CFAP161: variants seen among roughly 807,000 people sequenced by gnomAD.
CFAP161 encodes the protein cilia and flagella associated protein 161, also known as cilia- and flagella-associated protein 161.
Under a neutral mutation model 29.0 loss-of-function variants are expected in CFAP161, and 25 were observed. That is an observed-to-expected ratio of 0.86 (90% confidence interval 0.63 to 1.20). The LOEUF is 1.20. Among genes scored for constraint, CFAP161 ranks in the 50% most tolerant of loss-of-function variants. CFAP161 has a pLI of 0.00. For synonymous variants in CFAP161, 116 were observed against 137.4 expected (o/e 0.84, Z 1.09); for missense variants, 367 against 371.9 (o/e 0.99, Z 0.11).
chr15:81,147,177 T>TA, intron 5 of CFAP161, among the ~76,000 whole-genome samples: 1 of 152,038 alleles, frequency 6.6e-6, no homozygotes, highest in Non-Finnish European at 1.5e-5. Context: ...CTCTCACATG[T>TA]AAAATGTGTA....
chr15:81,104,980 G>A (rs185238910), intron 1 of CFAP161, among the ~76,000 whole-genome samples: 13 of 152,158 alleles, frequency 8.5e-5, no homozygotes, highest in African/African-American at 2.4e-4. Context: ...GGTTCCTTCC[G>A]GTGACTCTGA....
At chr15:81,142,338 C>A (rs532075559) in intron 4 of CFAP161, among the ~76,000 whole-genome samples, 1 of 151,978 alleles carries the variant, frequency 6.6e-6, no homozygotes, top group Non-Finnish European at 1.5e-5. Context: ...TGATCTTTTA[C>A]AAGCACAGGT....
At chr15:81,130,698 TCAAAAA>T (rs758005225), upstream of CFAP161, among the ~76,000 whole-genome samples, 2 of 152,150 alleles carry the variant, frequency 1.3e-5, no homozygotes, top group African/African-American at 2.4e-5. Context: ...AGACTCCATC[TCAAAAA>T]CAAAAACAAA....
At chr15:81,136,492 A>G (rs1390015136) in intron 2 of CFAP161, 24 bp from the exon 3 acceptor site, 1 of 1,599,562 alleles carries the variant, frequency 6.3e-7, no homozygotes, top group Non-Finnish European at 8.6e-7. Flanking sequence ...TGGTTTATGT[A>G]ATAAACTACT....
intron 1 of CFAP161, among the ~76,000 whole-genome samples, chr15:81,120,238 C>T (rs1347023944): frequency 6.6e-6 from 1 of 152,176 alleles, no homozygotes; most frequent in African/African-American, 2.4e-5. Flanking sequence ...TGGATTATGA[C>T]TGTATGCTAT....
At chr15:81,107,924 T>G (rs1039228172) in intron 1 of CFAP161, among the ~76,000 whole-genome samples, 1 of 135,472 alleles carries the variant, frequency 7.4e-6, no homozygotes, top group Non-Finnish European at 1.5e-5. Flanking sequence ...CTTATCACAT[T>G]TTTTTTTTTT....
intron 1 of CFAP161, among the ~76,000 whole-genome samples, chr15:81,111,571 C>G (rs578186314): frequency 6.6e-6 from 1 of 152,218 alleles, no homozygotes; most frequent in East Asian, 1.9e-4. Context: ...TGTCAATTTC[C>G]TCTTCTGAAA....
intron 1 of CFAP161, among the ~76,000 whole-genome samples, chr15:81,112,725 G>C (rs1894453418): frequency 6.6e-6 from 1 of 152,122 alleles, no homozygotes. Context: ...TAAATAACTA[G>C]AGGACCACTG....
intron 5 of CFAP161, among the ~76,000 whole-genome samples, chr15:81,146,797 G>C (rs1448115556): frequency 7.6e-6 from 1 of 131,296 alleles, no homozygotes; most frequent in Admixed American, 8.5e-5. Context: ...ATGCAAACCT[G>C]CCTCCCATTT....
rs753192708 is a variant in CFAP161 at position 81,147,938 on chromosome 15, T to C, written c.710+7T>C. ...ACCGGCATCTTTTCTTAAGGTATTG[T>C]ATTTCAGGGTACAACAAAATGCTGT... is the stretch of plus-strand genomic sequence containing the variant. On this transcript the variant is annotated splice_region_variant and intron_variant, in intron 6 of 6. Transcript: ENST00000286732. 3.1e-6 allele frequency: 5 copies of C among 1,600,088 alleles called. No individual in the cohort carries two copies. Among genetic ancestry groups the C allele is most frequent in the Non-Finnish European group, 4.3e-6 (5 of 1,170,804 alleles).
chr15:81,147,198 A>G (rs78501657), intron 5 of CFAP161, among the ~76,000 whole-genome samples: 3,573 of 152,064 alleles, frequency 0.023, 158 homozygotes, highest in African/African-American at 0.082. Context: ...TTTGGTGAAC[A>G]CTGACTGAAA....
At chr15:81,118,388 A>G (rs1894526702) in intron 1 of CFAP161, 1 of 243,460 alleles carries the variant, frequency 4.1e-6, no homozygotes, top group Non-Finnish European at 8.0e-6. Context: ...CGAGCACGCC[A>G]GGTAAACCTG....
intron 4 of CFAP161, among the ~76,000 whole-genome samples, chr15:81,142,404 G>A (rs535372303): frequency 3.3e-4 from 50 of 152,144 alleles, no homozygotes; most frequent in African/African-American, 1.1e-3. Flanking sequence ...CCCTTTGAAT[G>A]AAGTTCTGCC....
At chr15:81,100,702 C>G (rs1414083915) in intron 1 of CFAP161, among the ~76,000 whole-genome samples, 3 of 96,516 alleles carry the variant, frequency 3.1e-5, no homozygotes, top group Non-Finnish European at 7.7e-5. Context: ...CTCTCTCTCT[C>G]TCTTTTTTTT....
intron 1 of CFAP161, among the ~76,000 whole-genome samples, chr15:81,103,121 T>C (rs566938688): frequency 2.0e-5 from 3 of 152,308 alleles, no homozygotes; most frequent in Admixed American, 6.5e-5. Context: ...GAGCACTTAG[T>C]ATGAGCCTGG....
intron 6 of CFAP161, 146 bp downstream of exon 6, chr15:81,148,077 T>A: frequency 1.4e-6 from 1 of 734,912 alleles, no homozygotes. Flanking sequence ...ACTTCAATGG[T>A]GTGAAAAATC....
intron 3 of CFAP161, among the ~76,000 whole-genome samples, 196 bp downstream of exon 3, chr15:81,136,944 G>T (rs1278298831): frequency 6.6e-6 from 1 of 152,142 alleles, no homozygotes; most frequent in East Asian, 1.9e-4. Context: ...TAGACAGCAG[G>T]ATAATTGTGT....
intron 1 of CFAP161, 50 bp from the exon 2 acceptor site, chr15:81,135,220 A>G: frequency 7.6e-7 from 1 of 1,308,764 alleles, no homozygotes; most frequent in Non-Finnish European, 1.1e-6. Flanking sequence ...AAAGTTATTA[A>G]TACTAACATC....
At chr15:81,138,975 T>C (rs1168767328) in intron 4 of CFAP161, among the ~76,000 whole-genome samples, 5 of 152,140 alleles carry the variant, frequency 3.3e-5, no homozygotes, top group East Asian at 1.9e-4. Context: ...TGTAGCGTTA[T>C]TATTATTATT....
Sources: gnomAD v4.1 joint callset for allele counts (sites outside exome capture counted in the v4.1 genomes callset) on GRCh38, gnomAD v4.1.1 for gene constraint, MANE v1.5 for transcripts, NCBI Gene and HGNC (gene_info 2026-07-23, HGNC 2026-07-21) for gene names.